COASY: variants seen among roughly 807,000 people sequenced by gnomAD.
The protein encoded by COASY is Coenzyme A synthase.
In COASY, 31 loss-of-function variants were observed where a neutral mutation model predicts 49.4. The ratio of observed to expected loss-of-function variants is 0.63; its 90% CI spans 0.47 to 0.85. The LOEUF is 0.85. Ranked by LOEUF, COASY falls within the 40% of genes least tolerant of loss-of-function variation. The probability of loss-of-function intolerance (pLI) is 0.00; values close to 1 mark genes in which losing one functional copy is unlikely to be tolerated. For missense variants in COASY, 730 were observed against 734.1 expected (o/e 0.99, Z 0.06); for synonymous variants, 285 against 310.9 (o/e 0.92, Z 0.88).
chr17:42,563,620 A>G (rs1044912796), intron 1 of COASY: 1 of 514,762 alleles, frequency 1.9e-6, no homozygotes, highest in Non-Finnish European at 3.4e-6. Context: ...TGGGTGAGTG[A>G]GCTGCAGGTA....
In COASY at chr17:42,562,287, C is replaced by G; in HGVS notation, c.-336C>G. On this transcript the variant is annotated 5_prime_UTR_variant, in exon 1 of 9. Coordinates refer to ENST00000393818, the MANE Select transcript of COASY (RefSeq NM_025233.7). Reference sequence around the variant, plus strand: ...CTCCCTCTTCGATTCCTTGAAGACCCTGGTGCAGCTTAGCAAGAGGGCCCA... The same window carrying G: ...CTCCCTCTTCGATTCCTTGAAGACCGTGGTGCAGCTTAGCAAGAGGGCCCA... The G allele has an allele frequency of 3.7e-6, 3 of 821,150 alleles. No homozygotes were observed. The highest frequency in any genetic ancestry group is 6.0e-6 in the Non-Finnish European group (3 of 497,876). The allele number at this position is 821,150 out of a possible 1,614,324, so 50.9% of individuals were successfully genotyped here.
Position 42,565,034 on chromosome 17 carries a change from T to A in COASY, c.1289T>A (p.Val430Glu). ...IINRKVLGSR[V>E]FGNKKQLKIL... ...AACAGGAAGGTCCTAGGCAGCCGGG[T>A]GTTTGGGAATAAGGTAAACAATAAC... Residue 430 changes from valine (V) to glutamate (E), a missense_variant, in exon 5 of 9, where the codon GTG (valine) becomes GAG (glutamate). Transcript: ENST00000393818. The A allele has an allele frequency of 6.2e-7, 1 of 1,614,046 alleles. No homozygotes were observed. Among genetic ancestry groups the A allele is most frequent in the Non-Finnish European group, 8.5e-7 (1 of 1,179,994 alleles).
Position 42,563,247 on chromosome 17 carries a change from G to A in COASY, c.625G>A (p.Val209Met). The change falls in exon 1 of 9, where the codon GTG becomes ATG. Residue 209 changes from valine (V) to methionine (M), a missense_variant. Val to Met is a conservative substitution (Grantham distance 21). Transcript: ENST00000393818. The part of the protein sequence containing the change: ...TFDRLHNAHK[V>M]LLSVACILAQ... ...TGACCGCCTGCACAACGCCCACAAG[G>A]TGTTGCTCAGTGTCGCGTGCATCCT... 6.2e-7 allele frequency: 1 copy of A among 1,612,452 alleles called. No individual in the cohort carries two copies. Among genetic ancestry groups the A allele is most frequent in the Non-Finnish European group, 8.5e-7 (1 of 1,179,820 alleles).
In COASY at chr17:42,564,121, C is replaced by T. The variant is rs767753813; in HGVS notation, c.861C>T (p.Val287=). 46 of 1,614,004 alleles carry T rather than the reference C, an allele frequency of 2.9e-5. No individual in the cohort carries two copies. In the South Asian group the frequency reaches 4.6e-4, roughly 16 times the overall value. Residue 287 remains valine (V), a synonymous_variant, in exon 2 of 9, where the codon GTC becomes GTT. Transcript: ENST00000393818. Reference sequence around the variant, plus strand: ...ACCCCTCCCTGGAGTTCCTGGTGGTCAGCGAGGAGACCTATCGTGGGGGGA... The same window carrying T: ...ACCCCTCCCTGGAGTTCCTGGTGGTTAGCGAGGAGACCTATCGTGGGGGGA... ...GSDPSLEFLV[V]SEETYRGGMA...
Position 42,565,804 on chromosome 17 carries a change from A to G in COASY, c.1631A>G (p.Gln544Arg). 6.2e-7 allele frequency: 1 copy of G among 1,613,896 alleles called. No individual in the cohort carries two copies. Among genetic ancestry groups the G allele is most frequent in the Non-Finnish European group, 8.5e-7 (1 of 1,179,978 alleles). ...TLWEPHITQR[Q>R]VEKAWALLQK... ...TGGGAGCCGCATATCACCCAACGCC[A>G]GGTTGGTGCCCAGGGCAAGGCCGGG... The change falls in exon 8 of 9, where the codon CAG (glutamine) becomes CGG (arginine). Residue 544 changes from glutamine (Q) to arginine (R), a missense_variant and splice_region_variant. Transcript: ENST00000393818.
At position 42,565,662 on chromosome 17, in the gene COASY, G is replaced by A. The variant is rs1238348066; in HGVS notation, c.1489G>A (p.Val497Ile). The A allele has an allele frequency of 2.5e-6, 4 of 1,614,156 alleles. No homozygotes were observed. Among genetic ancestry groups the A allele is most frequent in the Middle Eastern group, 3.3e-4 (2 of 6,062 alleles). The change falls in exon 8 of 9, where the codon GTA becomes ATA. Residue 497 changes from valine to isoleucine, a missense_variant. Physicochemically the swap from Val to Ile is conservative, Grantham distance 29. Coordinates refer to ENST00000393818, the MANE Select transcript of COASY (RefSeq NM_025233.7). ...WTAVIPETEAVRRIVERDGLS... is the reference protein window; with the variant it reads ...WTAVIPETEAIRRIVERDGLS... ...CAAATGTCTCGTCTGTGCTCAGGCT[G>A]TAAGACGCATTGTGGAGAGGGATGG...
Position 42,563,092 on chromosome 17 carries a change from G to C in COASY, c.470G>C (p.Gly157Ala). The change falls in exon 1 of 9, where the codon GGG (glycine) becomes GCG (alanine). Residue 157 changes from glycine to alanine, a missense_variant. Coordinates refer to ENST00000393818, the MANE Select transcript of COASY (RefSeq NM_025233.7). The part of the protein sequence containing the change: ...LASVLLYSDY[G>A]IGEVPVEPLD... ...TCGGTGCTGCTATACTCCGATTATG[G>C]GATAGGAGAAGTGCCCGTGGAGCCC... The C allele has an allele frequency of 6.2e-7, 1 of 1,613,680 alleles. No homozygotes were observed. Among genetic ancestry groups the C allele is most frequent in the Non-Finnish European group, 8.5e-7 (1 of 1,179,664 alleles).
rs1567903962 is a variant in COASY at position 42,563,186 on chromosome 17, G to GCGTGGCTACTAC, written c.571_582dup (p.Tyr191_Gly194dup). On this transcript the variant is annotated inframe_insertion, in exon 1 of 9. Transcript: ENST00000393818. ...TGGCCGGGTCTCCAAAGCAGCCGGT[G>GCGTGGCTACTAC]CGTGGCTACTACCGTGGCGCTGTCG... 2 of 1,613,846 alleles carry GCGTGGCTACTAC rather than the reference G, an allele frequency of 1.2e-6. No homozygotes were observed.
chr17:42,565,159 C>CA, intron 5 of COASY, 68 bp from the exon 6 acceptor site: 3 of 1,593,690 alleles, frequency 1.9e-6, no homozygotes, highest in Non-Finnish European at 2.6e-6. Flanking sequence ...CTGTTCCCAA[C>CA]ACCACCTTGC....
At position 42,562,211 on chromosome 17, in the gene COASY, G is replaced by C; in HGVS notation, c.-412G>C. 1 of 490,916 alleles carries C rather than the reference G, an allele frequency of 2.0e-6. No homozygotes were observed. The highest frequency in any genetic ancestry group is 3.6e-6 in the Non-Finnish European group (1 of 276,168). 30.4% of individuals were successfully genotyped at this position (490,916 alleles called of 1,614,324 possible). A position where few individuals can be genotyped will look rare whatever the true frequency, so the allele number is the denominator to read the frequency against. On this transcript the variant is annotated 5_prime_UTR_variant, in exon 1 of 9. Coordinates refer to ENST00000393818, the MANE Select transcript of COASY (RefSeq NM_025233.7). ...GTGGTGCAAGTGGAACCCAAGCCTT[G>C]AGGTTTCAGTGAGTAGGGGGCCGAC...
chr17:42,564,433 C>T lies in COASY; in HGVS notation c.916-13C>T, dbSNP rs775724445. 6 of 1,613,886 alleles carry T rather than the reference C, an allele frequency of 3.7e-6. No homozygotes were observed. Among genetic ancestry groups the T allele is most frequent in the Non-Finnish European group, 4.2e-6 (5 of 1,179,940 alleles). ...CCTCCTTCCCTCTTTTTACCCTTTC[C>T]TCTTTACCCCAGGACCTGGAGGAAC... is the stretch of plus-strand genomic sequence containing the variant. On this transcript the variant is annotated splice_polypyrimidine_tract_variant and intron_variant, in intron 2 of 8. Transcript: ENST00000393818.
Position 42,565,700 on chromosome 17 carries a change from C to A in COASY, c.1527C>A (p.Ala509=). 1 of 1,614,030 alleles carries A rather than the reference C, an allele frequency of 6.2e-7. No individual in the cohort carries two copies. The change falls in exon 8 of 9, where the codon GCC becomes GCA. Residue 509 remains alanine (A), a synonymous_variant. Coordinates refer to ENST00000393818, the MANE Select transcript of COASY (RefSeq NM_025233.7). ...TGGAGAGGGATGGCCTCAGTGAAGC[C>A]GCGGCTCAAAGCCGGCTGCAGAGCC... ...RIVERDGLSE[A]AAQSRLQSQM...
rs1567905094 is a variant in COASY at position 42,564,546 on chromosome 17, G to GA, written c.1018dup (p.Met340AsnfsTer11). On this transcript the variant is annotated frameshift_variant, in exon 3 of 9. Transcript: ENST00000393818. LOFTEE classifies it high-confidence loss of function. ...GTCAGCTCCTCCAGCTTCCGCCAGC[G>GA]AATGTTGGGGAACCTGCTTCGGCCT... The GA allele has an allele frequency of 1.9e-6, 3 of 1,613,630 alleles. No homozygotes were observed. Among genetic ancestry groups the GA allele is most frequent in the East Asian group, 4.5e-5 (2 of 44,878 alleles).
At position 42,566,178 on chromosome 17, in the gene COASY, C is replaced by A; in HGVS notation, c.*210C>A. ...GGATGTGGTTCATGGGGGAGCAGTCCCCTCCCCACTCTTGCCCATGGGTGA... is the reference window on the plus strand; with the variant it reads ...GGATGTGGTTCATGGGGGAGCAGTCACCTCCCCACTCTTGCCCATGGGTGA... On this transcript the variant is annotated 3_prime_UTR_variant, in exon 9 of 9. Transcript: ENST00000393818. The A allele has an allele frequency of 1.7e-6, 1 of 596,700 alleles. No homozygotes were observed. Among genetic ancestry groups the A allele is most frequent in the Non-Finnish European group, 3.0e-6 (1 of 335,636 alleles). The allele number at this position is 596,700 out of a possible 1,614,324, so 37.0% of individuals were successfully genotyped here.
chr17:42,562,505 G>T lies in COASY; in HGVS notation c.-118G>T. ...TCCTGTCGGTCAGCACTGAAACCCC[G>T]TCCCTGCTCCAGGCCTCCTTCTCTG... On this transcript the variant is annotated 5_prime_UTR_variant, in exon 1 of 9. Transcript: ENST00000393818. 6.2e-7 allele frequency: 1 copy of T among 1,613,314 alleles called. No individual in the cohort carries two copies. Among genetic ancestry groups the T allele is most frequent in the Middle Eastern group, 1.7e-4 (1 of 6,060 alleles).
In COASY at chr17:42,566,192, GCCCATGGGTGACTCTTA is replaced by G. The variant is rs1156930475; in HGVS notation, c.*229_*245del. On this transcript the variant is annotated 3_prime_UTR_variant, in exon 9 of 9. Transcript: ENST00000393818. The stretch of plus-strand genomic sequence containing the variant: ...GGGGAGCAGTCCCCTCCCCACTCTT[GCCCATGGGTGACTCTTA>G]CCCACAGCTGACTAGGGCCAGCGCA... 1.7e-6 allele frequency: 1 copy of G among 584,494 alleles called. No homozygotes were observed. Among genetic ancestry groups the G allele is most frequent in the East Asian group, 2.8e-5 (1 of 35,144 alleles). The allele number at this position is 584,494 out of a possible 1,614,324, so 36.2% of individuals were successfully genotyped here.
rs2092994924 is a variant in COASY at position 42,564,991 on chromosome 17, C to T, written c.1246C>T (p.His416Tyr). 6.2e-7 allele frequency: 1 copy of T among 1,614,084 alleles called. No homozygotes were observed. The highest frequency in any genetic ancestry group is 1.1e-5 in the South Asian group (1 of 91,092). ...VVEAFGTDIL[H>Y]KDGIINRKVL... ...CTGTCTGTGTTGTCCAGATATTCTC[C>T]ATAAAGATGGCATCATCAACAGGAA... is the stretch of plus-strand genomic sequence containing the variant. The change falls in exon 5 of 9, where the codon CAT becomes TAT. Residue 416 changes from histidine to tyrosine, a missense_variant. Transcript: ENST00000393818.
chr17:42,564,499 T>TA lies in COASY; in HGVS notation c.970dup (p.Thr324AsnfsTer4). ...TCCAGCTGCTGAAGGACCTCAGACA[T>TA]ACAGAGAATGAAGAGGACAAAGTCA... On this transcript the variant is annotated frameshift_variant, in exon 3 of 9. Transcript: ENST00000393818. LOFTEE classifies it high-confidence loss of function. 6.2e-7 allele frequency: 1 copy of TA among 1,613,466 alleles called. No homozygotes were observed. Among genetic ancestry groups the TA allele is most frequent in the South Asian group, 1.1e-5 (1 of 91,024 alleles).
At position 42,565,286 on chromosome 17, in the gene COASY, G is replaced by A; in HGVS notation, c.1362G>A (p.Glu454=). 6.2e-7 allele frequency: 1 copy of A among 1,614,202 alleles called. No individual in the cohort carries two copies. The highest frequency in any genetic ancestry group is 8.5e-7 in the Non-Finnish European group (1 of 1,180,038). Reference sequence around the variant, plus strand: ...CAATTATCGCAAAGCTGGCCCGAGAGGAGATGGATCGGGCTGTGGCTGAGG... The same window carrying A: ...CAATTATCGCAAAGCTGGCCCGAGAAGAGATGGATCGGGCTGTGGCTGAGG... The part of the protein sequence containing the change: ...MWPIIAKLAR[E]EMDRAVAEGK... Residue 454 remains glutamate (E), a synonymous_variant, in exon 6 of 9, where the codon GAG becomes GAA. Coordinates refer to ENST00000393818, the MANE Select transcript of COASY (RefSeq NM_025233.7).
Sources: gnomAD v4.1 joint callset for allele counts on GRCh38, gnomAD v4.1.1 for gene constraint, MANE v1.5 for transcripts, NCBI Gene and HGNC (gene_info 2026-07-23, HGNC 2026-07-21) for gene names.